The following MPHOSPH6 variants were observed in gnomAD, a reference collection of about 807,000 sequenced individuals.
The protein encoded by MPHOSPH6 is M-phase phosphoprotein 6.
A neutral mutation model predicts 21.8 loss-of-function variants in MPHOSPH6; 25 were observed. The observed-to-expected ratio is 1.15, with a 90% CI of 0.83 to 1.60. The LOEUF (loss-of-function observed/expected upper bound fraction) is 1.60, where lower values mean the gene tolerates loss of function less well. Among genes scored for constraint, MPHOSPH6 ranks in the 40% most tolerant of loss-of-function variants. The probability of loss-of-function intolerance (pLI) is 0.00; values close to 1 mark genes in which losing one functional copy is unlikely to be tolerated. For synonymous variants in MPHOSPH6, 84 were observed against 56.5 expected (o/e 1.49, Z -2.18); for missense variants, 269 against 181.8 (o/e 1.48, Z -2.76).
intron 3 of MPHOSPH6, 55 bp from the exon 4 acceptor site, chr16:82,149,458 T>C (rs1906192799): frequency 2.0e-6 from 3 of 1,507,552 alleles, no homozygotes; most frequent in Non-Finnish European, 2.7e-6. Flanking sequence ...TGAAAGGAAC[T>C]GATGTCAAAC....
chr16:82,169,035 C>A (rs898948471), intron 1 of MPHOSPH6, among the ~76,000 whole-genome samples: 50 of 152,164 alleles, frequency 3.3e-4, no homozygotes, highest in African/African-American at 1.2e-3. Flanking sequence ...GAGTTACTGC[C>A]TGTAGTCACC....
At chr16:82,168,394 C>A (rs1392801260) in intron 1 of MPHOSPH6, among the ~76,000 whole-genome samples, 2 of 152,004 alleles carry the variant, frequency 1.3e-5, no homozygotes, top group African/African-American at 4.8e-5. Context: ...GTCCTCCACC[C>A]TCATTCACCC....
chr16:82,148,493 T>C lies in MPHOSPH6; in HGVS notation c.*238A>G. 2.4e-6 allele frequency: 1 copy of C among 419,772 alleles called. No homozygotes were observed. Among genetic ancestry groups the C allele is most frequent in the Non-Finnish European group, 4.1e-6 (1 of 245,544 alleles). The allele number at this position is 419,772 out of a possible 1,614,324, so 26.0% of individuals were successfully genotyped here. On this transcript the variant is annotated 3_prime_UTR_variant, in exon 5 of 5. Transcript: ENST00000258169. ...AAAAAATCTTTAGGAAGCAGCCCTG[T>C]AACAATGTACATTTGTAGATCAGGG...
At chr16:82,165,144 T>TTTTTTTTTTTTTTTTTTTTTTTTTTTTTG (rs1555540871) in intron 1 of MPHOSPH6, among the ~76,000 whole-genome samples, 1 of 108,626 alleles carries the variant, frequency 9.2e-6, no homozygotes, top group Non-Finnish European at 1.9e-5. Flanking sequence ...TTTTTTTTTT[T>TTTTTTTTTTTTTTTTTTTTTTTTTTTTTG]TGAGACAGAG....
At chr16:82,163,778 A>C in intron 2 of MPHOSPH6, 1 of 230,392 alleles carries the variant, frequency 4.3e-6, no homozygotes, top group Non-Finnish European at 8.3e-6. Context: ...TTAGAACTTA[A>C]GGTGATAGAG....
chr16:82,152,451 C>G (rs979381316), intron 2 of MPHOSPH6, among the ~76,000 whole-genome samples: 1 of 152,316 alleles, frequency 6.6e-6, no homozygotes, highest in Non-Finnish European at 1.5e-5. Flanking sequence ...TGTAAGAACA[C>G]TGTAGGCTCT....
intron 1 of MPHOSPH6, among the ~76,000 whole-genome samples, chr16:82,165,560 AATG>A (rs1221963229): frequency 2.6e-5 from 4 of 152,204 alleles, no homozygotes; most frequent in African/African-American, 4.8e-5. Context: ...TGCACTGCAA[AATG>A]ATGTTTGGTC....
chr16:82,155,052 C>G (rs2967327), intron 2 of MPHOSPH6, among the ~76,000 whole-genome samples: 1 of 151,958 alleles, frequency 6.6e-6, no homozygotes, highest in East Asian at 1.9e-4. Context: ...CAAGGCTGTT[C>G]TGATATTCAA....
chr16:82,165,144 T>TTTTTTTTTTTTTTG (rs1555540871), intron 1 of MPHOSPH6, among the ~76,000 whole-genome samples: 4 of 108,692 alleles, frequency 3.7e-5, no homozygotes, highest in Admixed American at 1.1e-4. Context: ...TTTTTTTTTT[T>TTTTTTTTTTTTTTG]TGAGACAGAG....
At chr16:82,157,523 T>C (rs188609364) in intron 2 of MPHOSPH6, among the ~76,000 whole-genome samples, 24 of 152,358 alleles carry the variant, frequency 1.6e-4, no homozygotes, top group African/African-American at 5.5e-4. Context: ...CTTTACGTGA[T>C]GATGGAAATG....
intron 2 of MPHOSPH6, among the ~76,000 whole-genome samples, chr16:82,158,857 G>A (rs1005460352): frequency 1.5e-4 from 23 of 152,186 alleles, no homozygotes; most frequent in South Asian, 6.2e-4. Flanking sequence ...TTTTGATATT[G>A]TATAACAAGA....
At chr16:82,159,571 A>AT (rs953482102) in intron 2 of MPHOSPH6, among the ~76,000 whole-genome samples, 3 of 151,730 alleles carry the variant, frequency 2.0e-5, no homozygotes, top group South Asian at 2.1e-4. Flanking sequence ...TGCCTGGCTA[A>AT]TTTTTTTTGT....
At chr16:82,166,243 C>G (rs1003161445) in intron 1 of MPHOSPH6, among the ~76,000 whole-genome samples, 1 of 152,200 alleles carries the variant, frequency 6.6e-6, no homozygotes, top group Admixed American at 6.5e-5. Context: ...TAAAAGAAAA[C>G]AAGTTTGCAG....
rs752568247 is a variant in MPHOSPH6 at position 82,170,121 on chromosome 16, G to A, written c.51+4C>T. On this transcript the variant is annotated splice_donor_region_variant and intron_variant, in intron 1 of 4. Coordinates refer to ENST00000258169, the MANE Select transcript of MPHOSPH6 (RefSeq NM_005792.2). ...CCGGAGTGGCGCTCTCAGCGTCCCCGCACCTTCATGCGCAGTAGATTCTTG... is the reference window on the plus strand; with the variant it reads ...CCGGAGTGGCGCTCTCAGCGTCCCCACACCTTCATGCGCAGTAGATTCTTG... 2.5e-6 allele frequency: 4 copies of A among 1,589,538 alleles called. No homozygotes were observed. The East Asian group carries it at 7.1e-5, about 28-fold the overall frequency.
intron 2 of MPHOSPH6, among the ~76,000 whole-genome samples, chr16:82,160,618 G>C (rs564499611): frequency 6.6e-6 from 1 of 152,166 alleles, no homozygotes; most frequent in Non-Finnish European, 1.5e-5. Flanking sequence ...GTTATCCAAG[G>C]TTCCAGTTTT....
chr16:82,157,183 A>G (rs1481543400), intron 2 of MPHOSPH6, among the ~76,000 whole-genome samples: 1 of 152,206 alleles, frequency 6.6e-6, no homozygotes, highest in Non-Finnish European at 1.5e-5. Flanking sequence ...ATAAAATTAA[A>G]AAGATATCTA....
intron 2 of MPHOSPH6, among the ~76,000 whole-genome samples, chr16:82,155,953 T>A (rs75885618): frequency 1.3e-5 from 2 of 151,156 alleles, no homozygotes; most frequent in South Asian, 2.1e-4. Context: ...ATGAAAGACA[T>A]GTCCTTTGAT....
chr16:82,167,936 T>C (rs886862362), intron 1 of MPHOSPH6, among the ~76,000 whole-genome samples: 3 of 152,204 alleles, frequency 2.0e-5, no homozygotes, highest in Admixed American at 1.3e-4. Flanking sequence ...GCACCCTAAG[T>C]GCAGCTACTC....
At chr16:82,158,332 T>TAC (rs1906495850) in intron 2 of MPHOSPH6, among the ~76,000 whole-genome samples, 2 of 126,852 alleles carry the variant, frequency 1.6e-5, no homozygotes, top group African/African-American at 6.3e-5. Flanking sequence ...ACTAAAAAAA[T>TAC]ACAAAAAAAA....
Sources: allele counts gnomAD v4.1 joint callset (sites outside exome capture counted in the v4.1 genomes callset), GRCh38; gene constraint gnomAD v4.1.1; transcripts MANE v1.5; gene names NCBI Gene and HGNC (gene_info 2026-07-23, HGNC 2026-07-21).